CAND2: variants seen among roughly 807,000 people sequenced by gnomAD.
CAND2 encodes cullin-associated NEDD8-dissociated protein 2.
CAND2 carries 62 observed loss-of-function variants against 98.9 expected under a neutral mutation model. The observed-to-expected ratio is 0.63, with a 90% CI of 0.51 to 0.77. CAND2 has a LOEUF of 0.77. Among genes scored for constraint, CAND2 ranks in the 30% least tolerant of loss-of-function variants. The pLI, the probability that CAND2 is intolerant of heterozygous loss-of-function variation, is 0.00. For missense variants in CAND2, 1,501 were observed against 1,655.2 expected, an observed-to-expected ratio of 0.91 and a Z score of 1.62; for synonymous variants, 770 against 731.9, an observed-to-expected ratio of 1.05 and a Z score of -0.84.
rs772511852 is a variant in CAND2, at chr3:12,827,612, C to G, written c.3375+8C>G. 3 of 1,600,274 alleles carry G rather than the reference C, an allele frequency of 1.9e-6. No individual in the cohort carries two copies. The highest frequency in any genetic ancestry group is 2.6e-6 in the Non-Finnish European group (3 of 1,171,554). ...GACCACTACGACATCCGGGTAAGACCAAGCCCCCTGCCAGATCTATGTGCC... is the reference window on the plus strand; with the variant it reads ...GACCACTACGACATCCGGGTAAGACGAAGCCCCCTGCCAGATCTATGTGCC... On this transcript the variant is annotated splice_region_variant and intron_variant, in intron 13 of 14. Coordinates refer to ENST00000456430, the MANE Select transcript of CAND2 (RefSeq NM_001162499.2).
chr3:12,831,614 T>G, intron 14 of CAND2, 42 bp downstream of exon 14: 1 of 1,367,966 alleles, frequency 7.3e-7, no homozygotes, highest in Non-Finnish European at 1.0e-6. Flanking sequence ...CTGGAGCACC[T>G]ATGGAGTCCT....
chr3:12,814,080 TGTCA>T (rs1224743821), intron 7 of CAND2, among the ~76,000 whole-genome samples: 9 of 152,288 alleles, frequency 5.9e-5, no homozygotes, highest in South Asian at 2.1e-4. Flanking sequence ...GTGGGACACT[TGTCA>T]GTAATAGAGA....
chr3:12,816,549 C>T lies in CAND2; in HGVS notation c.1617C>T (p.Ala539=), dbSNP rs370736670. The T allele has an allele frequency of 1.3e-5, 21 of 1,613,832 alleles. No individual in the cohort carries two copies. The highest frequency in any genetic ancestry group is 2.7e-5 in the African/African-American group (2 of 74,942). ...CVADSFYKIA[A]EALVVLQELV... ...CTGACTCTTTCTACAAGATTGCAGC[C>T]GAGGCCCTGGTGGTGCTGCAGGAGC... Residue 539 remains alanine (A), a synonymous_variant, in exon 10 of 15, where the codon GCC becomes GCT. Coordinates refer to ENST00000456430, the MANE Select transcript of CAND2 (RefSeq NM_001162499.2).
intron 3 of CAND2, 22 bp from the exon 4 acceptor site, chr3:12,808,188 G>A (rs1575766043): frequency 1.3e-6 from 2 of 1,550,286 alleles, no homozygotes; most frequent in Admixed American, 3.9e-5. Flanking sequence ...GCCTCACTGT[G>A]CCCACCTTGT....
At chr3:12,819,571 A>G (rs756312310) in intron 10 of CAND2, among the ~76,000 whole-genome samples, 1 of 152,180 alleles carries the variant, frequency 6.6e-6, no homozygotes, top group South Asian at 2.1e-4. Flanking sequence ...GGCCTCCCTG[A>G]CCACCAGCCA....
At chr3:12,808,891 C>T (rs1300120888) in intron 4 of CAND2, among the ~76,000 whole-genome samples, 2 of 151,970 alleles carry the variant, frequency 1.3e-5, no homozygotes, top group African/African-American at 4.8e-5. Context: ...TGCCAGGGGT[C>T]GTGGGGCAGG....
chr3:12,825,760 C>G, intron 12 of CAND2, 121 bp downstream of exon 12: 1 of 1,045,718 alleles, frequency 9.6e-7, no homozygotes, highest in Non-Finnish European at 1.4e-6. Flanking sequence ...TGGGTCAAGT[C>G]CTGCCCTGAC....
chr3:12,803,097 C>T (rs2061778337), intron 1 of CAND2, among the ~76,000 whole-genome samples: 1 of 149,082 alleles, frequency 6.7e-6, no homozygotes, highest in African/African-American at 2.5e-5. Context: ...TCACGCCATT[C>T]TCCTGCTTCA....
intron 1 of CAND2, among the ~76,000 whole-genome samples, 166 bp from the exon 2 acceptor site, chr3:12,803,322 T>C (rs2061780479): frequency 6.6e-6 from 1 of 152,162 alleles, no homozygotes; most frequent in Non-Finnish European, 1.5e-5. Context: ...GGACAACCAT[T>C]GTATATGTTG....
intron 1 of CAND2, among the ~76,000 whole-genome samples, chr3:12,800,922 C>T (rs2124832447): frequency 6.6e-6 from 1 of 152,160 alleles, no homozygotes; most frequent in East Asian, 1.9e-4. Flanking sequence ...GGGGTTTCCC[C>T]CTGTTGGCCA....
intron 11 of CAND2, among the ~76,000 whole-genome samples, chr3:12,821,717 G>C: frequency 6.6e-6 from 1 of 152,122 alleles, no homozygotes; most frequent in Middle Eastern, 3.2e-3. Context: ...ACCACACTAG[G>C]CCCTTTAATA....
In CAND2 at chr3:12,817,403, G is replaced by A. The variant is rs754593438; in HGVS notation, c.2471G>A (p.Ser824Asn). The A allele has an allele frequency of 6.2e-7, 1 of 1,613,794 alleles. No individual in the cohort carries two copies. Among genetic ancestry groups the A allele is most frequent in the South Asian group, 1.1e-5 (1 of 91,088 alleles). Residue 824 changes from serine (S) to asparagine (N), a missense_variant, in exon 10 of 15, where the codon AGT (serine) becomes AAT (asparagine). Coordinates refer to ENST00000456430, the MANE Select transcript of CAND2 (RefSeq NM_001162499.2). ...ACPQEAASTA[S>N]RLVCDARSPH... ...CCCCAAGAGGCGGCAAGCACAGCCAGTCGCCTGGTCTGCGATGCCAGGTCG... is the reference window on the plus strand; with the variant it reads ...CCCCAAGAGGCGGCAAGCACAGCCAATCGCCTGGTCTGCGATGCCAGGTCG...
intron 11 of CAND2, among the ~76,000 whole-genome samples, chr3:12,821,853 G>A (rs868368809): frequency 6.6e-6 from 1 of 152,148 alleles, no homozygotes; most frequent in Non-Finnish European, 1.5e-5. Context: ...CCTGGCTGGC[G>A]ATGGTAACTT....
intron 7 of CAND2, 93 bp downstream of exon 7, chr3:12,813,481 C>A: frequency 7.5e-7 from 1 of 1,331,440 alleles, no homozygotes; most frequent in Non-Finnish European, 1.0e-6. Flanking sequence ...ACATTTGGTG[C>A]CCCTGTCCTG....
chr3:12,833,647 A>C (rs970629670), intron 14 of CAND2, 108 bp from the exon 15 acceptor site: 24 of 861,930 alleles, frequency 2.8e-5, no homozygotes, highest in Admixed American at 7.9e-5. Flanking sequence ...GCAGGGATTT[A>C]TGTTGGGGAA....
chr3:12,810,148 G>A lies in CAND2; in HGVS notation c.581G>A (p.Arg194Gln). The A allele has an allele frequency of 6.6e-7, 1 of 1,524,284 alleles. No homozygotes were observed. Among genetic ancestry groups the A allele is most frequent in the Non-Finnish European group, 8.8e-7 (1 of 1,141,240 alleles). 94.4% of individuals were successfully genotyped at this position (1,524,284 alleles called of 1,614,324 possible). The part of the protein sequence containing the change: ...LSSPRLAVRK[R>Q]AVGALGHLAA... ...AGCCCGCGCCTGGCGGTGCGCAAGCGGGCGGTCGGAGCGCTTGGCCACCTG... is the reference window on the plus strand; with the variant it reads ...AGCCCGCGCCTGGCGGTGCGCAAGCAGGCGGTCGGAGCGCTTGGCCACCTG... Residue 194 changes from arginine to glutamine, a missense_variant, in exon 5 of 15, where the codon CGG (arginine) becomes CAG (glutamine). Arg to Gln is a conservative substitution (Grantham distance 43). This residue lies in a region of CAND2 where 1,427 missense variants were observed against 1,545.3 expected (regional missense o/e 0.92). Coordinates refer to ENST00000456430, the MANE Select transcript of CAND2 (RefSeq NM_001162499.2).
At chr3:12,824,122 A>G (rs2061980904) in intron 11 of CAND2, among the ~76,000 whole-genome samples, 1 of 152,138 alleles carries the variant, frequency 6.6e-6, no homozygotes, top group South Asian at 2.1e-4. Context: ...CCTGGGTAAC[A>G]TAGTGAGACC....
At chr3:12,812,635 A>G (rs981144482) in intron 5 of CAND2, among the ~76,000 whole-genome samples, 1 of 151,722 alleles carries the variant, frequency 6.6e-6, no homozygotes, top group Non-Finnish European at 1.5e-5. Context: ...CGATCTCCTG[A>G]CCTCATGATC....
chr3:12,814,416 AGTCTTATC>A (rs2061880350), intron 7 of CAND2, among the ~76,000 whole-genome samples: 2 of 152,302 alleles, frequency 1.3e-5, no homozygotes, highest in South Asian at 4.1e-4. Context: ...TCTGAGTCTT[AGTCTTATC>A]GTCTGTAAAA....
Sources: allele counts gnomAD v4.1 joint callset (sites outside exome capture counted in the v4.1 genomes callset), GRCh38; gene constraint gnomAD v4.1.1; regional missense constraint gnomAD v4.1.1; transcripts MANE v1.5; gene names NCBI Gene and HGNC (gene_info 2026-07-23, HGNC 2026-07-21).